Variants in KCNH7 observed in about 807,000 individuals in gnomAD.
KCNH7 encodes the protein potassium voltage-gated channel subfamily H member 7.
A neutral mutation model predicts 120.8 loss-of-function variants in KCNH7; 49 were observed. The ratio of observed to expected loss-of-function variants is 0.41; its 90% confidence interval spans 0.32 to 0.51. The LOEUF (loss-of-function observed/expected upper bound fraction) is 0.51, where lower values mean the gene tolerates loss of function less well. KCNH7 is among the 20% of genes least tolerant of loss of function. KCNH7 has a pLI of 0.38. For missense variants in KCNH7, 1,097 were observed against 1,446.6 expected (o/e 0.76, Z 3.92); for synonymous variants, 547 against 516.1 (o/e 1.06, Z -0.81).
rs190566436 is a variant in KCNH7 at position 162,547,552 on chromosome 2, T to C, written c.308-10472A>G. On this transcript the variant is annotated intron_variant, in intron 2 of 15. Coordinates refer to ENST00000332142, the MANE Select transcript of KCNH7 (RefSeq NM_033272.4). ...TGTTCTTGACATTCTTTGTCTTATG[T>C]AATCCTCAAAAGAACCCTAAGGAAG... 3.2e-3 allele frequency among the ~76,000 whole-genome samples: 488 copies of C among 152,340 alleles called. 2 individuals are homozygous for C. The highest frequency in any genetic ancestry group is 0.011 in the African/African-American group (467 of 41,588).
At chr2:162,641,025 A>T (rs768801716) in intron 2 of KCNH7, among the ~76,000 whole-genome samples, 3 of 152,170 alleles carry the variant, frequency 2.0e-5, no homozygotes, top group African/African-American at 4.8e-5. Flanking sequence ...AATATTGATA[A>T]AACCAAATGC....
At chr2:162,752,939 A>AAAAG (rs1559116245) in intron 2 of KCNH7, among the ~76,000 whole-genome samples, 5 of 97,316 alleles carry the variant, frequency 5.1e-5, no homozygotes, top group Non-Finnish European at 9.1e-5. Flanking sequence ...AAAAGAAAAG[A>AAAAG]AAAGAAAAGA....
At chr2:162,660,220 T>C (rs558381862) in intron 2 of KCNH7, among the ~76,000 whole-genome samples, 4 of 152,296 alleles carry the variant, frequency 2.6e-5, no homozygotes, top group Admixed American at 1.3e-4. Flanking sequence ...AATTAGATTA[T>C]TGATTTTACT....
At chr2:162,770,112 C>T (rs368405531) in intron 2 of KCNH7, among the ~76,000 whole-genome samples, 1 of 151,948 alleles carries the variant, frequency 6.6e-6, no homozygotes, top group Non-Finnish European at 1.5e-5. Context: ...GATGCTACAT[C>T]GTAAGACTGA....
intron 6 of KCNH7, among the ~76,000 whole-genome samples, chr2:162,490,240 G>T (rs535799668): frequency 2.0e-5 from 3 of 152,218 alleles, no homozygotes; most frequent in African/African-American, 7.2e-5. Context: ...GTGCACTAGG[G>T]GGATTAGGTG....
intron 2 of KCNH7, among the ~76,000 whole-genome samples, chr2:162,675,937 C>T (rs994750255): frequency 1.3e-5 from 2 of 151,322 alleles, no homozygotes; most frequent in Admixed American, 1.3e-4. Flanking sequence ...ATTTAAGATT[C>T]TAGGAAGTTA....
intron 2 of KCNH7, among the ~76,000 whole-genome samples, chr2:162,743,620 T>A (rs955401871): frequency 6.6e-6 from 1 of 152,136 alleles, no homozygotes; most frequent in Non-Finnish European, 1.5e-5. Flanking sequence ...GTACATAAAA[T>A]GTTTCAATGC....
intron 2 of KCNH7, among the ~76,000 whole-genome samples, chr2:162,778,985 C>G (rs16847300): frequency 6.7e-6 from 1 of 149,464 alleles, no homozygotes; most frequent in Non-Finnish European, 1.5e-5. Context: ...GTTCATCTGC[C>G]TAGGTCATTC....
chr2:162,560,200 C>G (rs567798021), intron 2 of KCNH7, among the ~76,000 whole-genome samples: 9 of 152,102 alleles, frequency 5.9e-5, no homozygotes, highest in Non-Finnish European at 1.5e-5. Flanking sequence ...ATTTATTAAC[C>G]GAGGAAACAA....
chr2:162,600,083 T>C (rs897514265), intron 2 of KCNH7, among the ~76,000 whole-genome samples: 19 of 152,132 alleles, frequency 1.2e-4, no homozygotes, highest in African/African-American at 4.6e-4. Context: ...CCTGATGATG[T>C]GATGTACTTG....
At chr2:162,440,419 T>G (rs539573924) in intron 7 of KCNH7, among the ~76,000 whole-genome samples, 2 of 152,126 alleles carry the variant, frequency 1.3e-5, no homozygotes, top group South Asian at 4.1e-4. Context: ...CACACTCATA[T>G]TTTGCTTTAG....
At chr2:162,605,309 G>T (rs1449162712) in intron 2 of KCNH7, among the ~76,000 whole-genome samples, 1 of 152,112 alleles carries the variant, frequency 6.6e-6, no homozygotes, top group Non-Finnish European at 1.5e-5. Context: ...TGGAAAGAAA[G>T]CTAAAACAGC....
chr2:162,733,137 G>C (rs971329479), intron 2 of KCNH7, among the ~76,000 whole-genome samples: 7 of 152,190 alleles, frequency 4.6e-5, no homozygotes, highest in South Asian at 2.1e-4. Context: ...GCTATGAATC[G>C]ACAATCATCA....
chr2:162,528,120 G>A (rs1048651199), intron 3 of KCNH7: 4 of 151,892 alleles, frequency 2.6e-5, no homozygotes, highest in Non-Finnish European at 5.9e-5. Context: ...GAAAAAAGTA[G>A]CTTAATTATT....
chr2:162,593,468 C>T (rs1232279627), intron 2 of KCNH7, among the ~76,000 whole-genome samples: 1 of 151,962 alleles, frequency 6.6e-6, no homozygotes, highest in Non-Finnish European at 1.5e-5. Context: ...AAAAATGTGA[C>T]CCAATTTAAC....
intron 2 of KCNH7, among the ~76,000 whole-genome samples, chr2:162,755,507 T>A (rs950290873): frequency 3.9e-5 from 6 of 152,012 alleles, no homozygotes; most frequent in Non-Finnish European, 7.4e-5. Context: ...TCTAAAAGTT[T>A]ACCAATTTTC....
At chr2:162,691,477 T>C (rs1686099284) in intron 2 of KCNH7, among the ~76,000 whole-genome samples, 1 of 152,044 alleles carries the variant, frequency 6.6e-6, no homozygotes, top group Non-Finnish European at 1.5e-5. Context: ...CTAACTCACT[T>C]CTCTTACGAA....
At position 162,693,702 on chromosome 2, in the gene KCNH7, G is replaced by A. The variant is rs918735764; in HGVS notation, c.307+142835C>T. 2.6e-5 allele frequency among the ~76,000 whole-genome samples: 4 copies of A among 152,302 alleles called. No individual in the cohort carries two copies. In the East Asian group the frequency reaches 5.8e-4, roughly 22 times the overall value. Reference sequence around the variant, plus strand: ...AAAGTTGGCCAAGAGGCAGGAGCTCGTGAACATGTGGTCAAACCTTATAAA... The same window carrying A: ...AAAGTTGGCCAAGAGGCAGGAGCTCATGAACATGTGGTCAAACCTTATAAA... On this transcript the variant is annotated intron_variant, in intron 2 of 15. Coordinates refer to ENST00000332142, the MANE Select transcript of KCNH7 (RefSeq NM_033272.4).
chr2:162,565,391 C>T (rs911392938), intron 2 of KCNH7, among the ~76,000 whole-genome samples: 2 of 151,870 alleles, frequency 1.3e-5, no homozygotes, highest in African/African-American at 4.8e-5. Context: ...TAAATAAATT[C>T]TAATTATTTA....
Sources: gnomAD v4.1 joint callset for allele counts (sites outside exome capture counted in the v4.1 genomes callset) on GRCh38, gnomAD v4.1.1 for gene constraint, MANE v1.5 for transcripts, NCBI Gene and HGNC (gene_info 2026-07-23, HGNC 2026-07-21) for gene names.